The following HOXA11 variants were observed in gnomAD, a reference collection of about 807,000 sequenced individuals.
HOXA11 encodes homeobox protein Hox-A11.
A neutral mutation model predicts 22.5 loss-of-function variants in HOXA11; 8 were observed. The observed-to-expected ratio is 0.36, with a 90% CI of 0.21 to 0.64. The LOEUF is 0.64. HOXA11 is among the 30% of genes least tolerant of loss of function. The pLI, the probability that HOXA11 is intolerant of heterozygous loss-of-function variation, is 0.67. For synonymous variants in HOXA11, 211 were observed against 188.4 expected, an observed-to-expected ratio of 1.12 and a Z score of -0.98; for missense variants, 388 against 429.0, an observed-to-expected ratio of 0.90 and a Z score of 0.84.
intron 1 of HOXA11, among the ~76,000 whole-genome samples, chr7:27,183,747 TAAA>T (rs61633228): frequency 0.011 from 599 of 53,600 alleles, 11 homozygotes; most frequent in African/African-American, 0.04. Context: ...GCTCCCCCTT[TAAA>T]AAAAAAAAAA....
chr7:27,181,190 C>T lies in HOXA11; in HGVS notation c.*1606G>A, dbSNP rs1783758959. On this transcript the variant is annotated 3_prime_UTR_variant, in exon 2 of 2. Transcript: ENST00000006015. ...CCACCGTCTTTATTTTCCTTGTGCCCAGTTGCCTGTATAAGTGCTGCAACA... is the reference window on the plus strand; with the variant it reads ...CCACCGTCTTTATTTTCCTTGTGCCTAGTTGCCTGTATAAGTGCTGCAACA... 6.6e-6 allele frequency among the ~76,000 whole-genome samples: 1 copy of T among 152,092 alleles called. No homozygotes were observed. Among genetic ancestry groups the T allele is most frequent in the African/African-American group, 2.4e-5 (1 of 41,396 alleles).
At position 27,181,172 on chromosome 7, in the gene HOXA11, C is replaced by G. The variant is rs1783758428; in HGVS notation, c.*1624G>C. ...ACCAGGATACTCAAATTTCCACCGT[C>G]TTTATTTTCCTTGTGCCCAGTTGCC... On this transcript the variant is annotated 3_prime_UTR_variant, in exon 2 of 2. Transcript: ENST00000006015. 6.6e-6 allele frequency among the ~76,000 whole-genome samples: 1 copy of G among 152,070 alleles called. No individual in the cohort carries two copies. The highest frequency in any genetic ancestry group is 2.4e-5 in the African/African-American group (1 of 41,376).
In HOXA11 at chr7:27,184,844, C is replaced by A; in HGVS notation, c.301G>T (p.Gly101Cys). Reference protein sequence around the residue: ...RDCLQAPSAAGVPGDVLAKSS... With the variant: ...RDCLQAPSAACVPGDVLAKSS... Reference sequence around the variant, plus strand: ...TTGGCCAGCACGTCGCCAGGCACGCCGGCCGCGCTGGGCGCCTGCAGGCAG... The same window carrying A: ...TTGGCCAGCACGTCGCCAGGCACGCAGGCCGCGCTGGGCGCCTGCAGGCAG... The change falls in exon 1 of 2, where the codon GGC (glycine) becomes TGC (cysteine). Residue 101 changes from glycine to cysteine, a missense_variant. Physicochemically the swap from Gly to Cys is radical, Grantham distance 159 (BLOSUM62 -3). Coordinates refer to ENST00000006015, the MANE Select transcript of HOXA11 (RefSeq NM_005523.6). 1 of 1,613,382 alleles carries A rather than the reference C, an allele frequency of 6.2e-7. No homozygotes were observed. The highest frequency in any genetic ancestry group is 8.5e-7 in the Non-Finnish European group (1 of 1,179,534).
chr7:27,181,573 A>G lies in HOXA11; in HGVS notation c.*1223T>C. ...AACACCATCCCTGTATGAAGCATAC[A>G]TTCAAATATTCTTAGCAGTGAGCGA... is the stretch of plus-strand genomic sequence containing the variant. On this transcript the variant is annotated 3_prime_UTR_variant, in exon 2 of 2. Coordinates refer to ENST00000006015, the MANE Select transcript of HOXA11 (RefSeq NM_005523.6). 1 of 192,026 alleles carries G rather than the reference A, an allele frequency of 5.2e-6. No individual in the cohort carries two copies. The highest frequency in any genetic ancestry group is 8.2e-5 in the East Asian group (1 of 12,204). The allele number at this position is 192,026 out of a possible 1,614,324, so 11.9% of individuals were successfully genotyped here. A position where few individuals can be genotyped will look rare whatever the true frequency, so the allele number is the denominator to read the frequency against.
chr7:27,183,855 C>G (rs945765437), intron 1 of HOXA11, among the ~76,000 whole-genome samples: 1 of 150,696 alleles, frequency 6.6e-6, no homozygotes, highest in Admixed American at 6.6e-5. Flanking sequence ...GAAGGAGGCA[C>G]GTAATTGCCA....
Position 27,182,752 on chromosome 7 carries a change from C to T in HOXA11, c.*44G>A, listed in dbSNP as rs760737881. ...GTCAAGGGCAAAATCTGCATATTAT[C>T]TCATGTGTATGAAGCCCCCCACCCA... is the stretch of plus-strand genomic sequence containing the variant. On this transcript the variant is annotated 3_prime_UTR_variant, in exon 2 of 2. Transcript: ENST00000006015. The T allele has an allele frequency of 1.3e-5, 16 of 1,212,746 alleles. No individual in the cohort carries two copies. Among genetic ancestry groups the T allele is most frequent in the Non-Finnish European group, 2.0e-5 (16 of 814,464 alleles). 75.1% of individuals were successfully genotyped at this position (1,212,746 alleles called of 1,614,324 possible). A position where few individuals can be genotyped will look rare whatever the true frequency, so the allele number is the denominator to read the frequency against.
At chr7:27,183,358 G>A (rs2115461514) in intron 1 of HOXA11, among the ~76,000 whole-genome samples, 1 of 152,350 alleles carries the variant, frequency 6.6e-6, no homozygotes, top group East Asian at 1.9e-4. Context: ...GGGGGTTGCC[G>A]GCTGCCTCTC....
rs1411636721 is a variant in HOXA11, at chr7:27,182,557, C to A, written c.*239G>T. The stretch of plus-strand genomic sequence containing the variant: ...CTCCAAGAGTGAACCACCAGGGGTC[C>A]CAAACCTGTCATTCTAGCTGATGCA... On this transcript the variant is annotated 3_prime_UTR_variant, in exon 2 of 2. Transcript: ENST00000006015. 1.4e-5 allele frequency: 8 copies of A among 569,564 alleles called. No homozygotes were observed. The highest frequency in any genetic ancestry group is 2.5e-5 in the Non-Finnish European group (8 of 315,410). 35.3% of individuals were successfully genotyped at this position (569,564 alleles called of 1,614,324 possible). A position where few individuals can be genotyped will look rare whatever the true frequency, so the allele number is the denominator to read the frequency against.
At chr7:27,183,869 C>G (rs553770022) in intron 1 of HOXA11, among the ~76,000 whole-genome samples, 4 of 151,796 alleles carry the variant, frequency 2.6e-5, no homozygotes, top group Admixed American at 1.3e-4. Flanking sequence ...ATTGCCACCA[C>G]GCCAGAGGAA....
chr7:27,183,971 C>G (rs1335540846), intron 1 of HOXA11, among the ~76,000 whole-genome samples: 2 of 152,140 alleles, frequency 1.3e-5, no homozygotes, highest in East Asian at 3.9e-4. Flanking sequence ...ATCTGTTAAA[C>G]GCGCTCCTAG....
Position 27,181,269 on chromosome 7 carries a change from T to C in HOXA11, c.*1527A>G, listed in dbSNP as rs956866638. ...GACAGGCCAACACTCCCAGTACAAATGGAGCCAACAGACATTTCTTAACAC... is the reference window on the plus strand; with the variant it reads ...GACAGGCCAACACTCCCAGTACAAACGGAGCCAACAGACATTTCTTAACAC... On this transcript the variant is annotated 3_prime_UTR_variant, in exon 2 of 2. Coordinates refer to ENST00000006015, the MANE Select transcript of HOXA11 (RefSeq NM_005523.6). 6.6e-6 allele frequency among the ~76,000 whole-genome samples: 1 copy of C among 152,192 alleles called. No individual in the cohort carries two copies. Among genetic ancestry groups the C allele is most frequent in the Admixed American group, 6.5e-5 (1 of 15,290 alleles).
chr7:27,181,170 G>C lies in HOXA11; in HGVS notation c.*1626C>G, dbSNP rs941684279. ...ACACCAGGATACTCAAATTTCCACC[G>C]TCTTTATTTTCCTTGTGCCCAGTTG... On this transcript the variant is annotated 3_prime_UTR_variant, in exon 2 of 2. Transcript: ENST00000006015. Among the ~76,000 whole-genome samples the C allele has an allele frequency of 7.7e-6, 1 of 130,414 alleles. No homozygotes were observed. Among genetic ancestry groups the C allele is most frequent in the Non-Finnish European group, 1.7e-5 (1 of 57,528 alleles). 85.6% of individuals were successfully genotyped at this position (130,414 alleles called of 152,430 possible). A position where few individuals can be genotyped will look rare whatever the true frequency, so the allele number is the denominator to read the frequency against.
rs766668972 is a variant in HOXA11, at chr7:27,184,752, G to T, written c.393C>A (p.Gly131=). 6.2e-7 allele frequency: 1 copy of T among 1,613,830 alleles called. No individual in the cohort carries two copies. Among genetic ancestry groups the T allele is most frequent in the Non-Finnish European group, 8.5e-7 (1 of 1,179,940 alleles). The change falls in exon 1 of 2, where the codon GGC becomes GGA. Residue 131 remains glycine, a synonymous_variant. Transcript: ENST00000006015. Reference sequence around the variant, plus strand: ...AAGCCTGTGGCAGGACGCCGTTCCTGCCCACGGTGCTATAGAAATTGGACG... The same window carrying T: ...AAGCCTGTGGCAGGACGCCGTTCCTTCCCACGGTGCTATAGAAATTGGACG... The part of the protein sequence containing the change: ...AVSSNFYSTV[G]RNGVLPQAFD...
At chr7:27,184,317 TA>T in intron 1 of HOXA11, 118 bp downstream of exon 1, 1 of 990,500 alleles carries the variant, frequency 1.0e-6, no homozygotes, top group Non-Finnish European at 1.5e-6. Flanking sequence ...GGGGGAAACC[TA>T]AAGGCCCTTC....
rs986859626 is a variant in HOXA11, at chr7:27,183,636, C to T, written c.710-608G>A. On this transcript the variant is annotated intron_variant, in intron 1 of 1. Transcript: ENST00000006015. ...CCCTACCCTAGGCCTTCGCTGAGCA[C>T]CACGGCCACACGGCCATCCTGCACA... 1.3e-4 allele frequency among the ~76,000 whole-genome samples: 20 copies of T among 152,118 alleles called. 1 individual carries two copies. The South Asian group carries it at 3.7e-3, about 28-fold the overall frequency.
Position 27,182,643 on chromosome 7 carries a change from T to A in HOXA11, c.*153A>T. 2 of 705,762 alleles carry A rather than the reference T, an allele frequency of 2.8e-6. No homozygotes were observed. Among genetic ancestry groups the A allele is most frequent in the Non-Finnish European group, 5.2e-6 (2 of 383,550 alleles). 43.7% of individuals were successfully genotyped at this position (705,762 alleles called of 1,614,324 possible). A position where few individuals can be genotyped will look rare whatever the true frequency, so the allele number is the denominator to read the frequency against. On this transcript the variant is annotated 3_prime_UTR_variant, in exon 2 of 2. Transcript: ENST00000006015. ...ACCACTGAGATCTTAATCAAGAGAG[T>A]CCCAGACCACCTCCTGTGGGGCTAT...
At position 27,185,006 on chromosome 7, in the gene HOXA11, A is replaced by G. The variant is rs1783842025; in HGVS notation, c.139T>C (p.Tyr47His). The stretch of plus-strand genomic sequence containing the variant: ...TGGACCTGGGGCAGGTTGGAGGAGT[A>G]GGAGTATGTCATTGGGCGCGAAGAC... ...TPSSRPMTYS[Y>H]SSNLPQVQPV... Residue 47 changes from tyrosine (Y) to histidine (H), a missense_variant, in exon 1 of 2, where the codon TAC (tyrosine) becomes CAC (histidine). Tyr to His is a moderately conservative substitution (Grantham distance 83). Transcript: ENST00000006015. 1 of 1,614,112 alleles carries G rather than the reference A, an allele frequency of 6.2e-7. No homozygotes were observed. Among genetic ancestry groups the G allele is most frequent in the Non-Finnish European group, 8.5e-7 (1 of 1,179,992 alleles).
rs1200567091 is a variant in HOXA11, at chr7:27,185,167, C to T, written c.-23G>A. On this transcript the variant is annotated 5_prime_UTR_variant, in exon 1 of 2. Coordinates refer to ENST00000006015, the MANE Select transcript of HOXA11 (RefSeq NM_005523.6). The stretch of plus-strand genomic sequence containing the variant: ...CATTATTGGGCTACCTTGGGCTCTC[C>T]GCAGTAGCCGAGCTTAACATGATTC... 1.2e-6 allele frequency: 2 copies of T among 1,613,384 alleles called. No homozygotes were observed. The highest frequency in any genetic ancestry group is 1.1e-5 in the South Asian group (1 of 91,074).
chr7:27,182,973 C>A lies in HOXA11; in HGVS notation c.765G>T (p.Glu255Asp). 6.2e-7 allele frequency: 1 copy of A among 1,614,194 alleles called. No homozygotes were observed. The highest frequency in any genetic ancestry group is 8.5e-7 in the Non-Finnish European group (1 of 1,180,036). Residue 255 changes from glutamate to aspartate, a missense_variant, in exon 2 of 2, where the codon GAG becomes GAT. Around this residue, in one of 4 missense-constraint regions of HOXA11, gnomAD observed 55 missense variants for 90.8 expected, o/e 0.61. Transcript: ENST00000006015. ...CGCTGAAGAAGAACTCCCGTTCCAG[C>A]TCTCGGATCTGGTACTTGGTATAGG... ...RCPYTKYQIR[E>D]LEREFFFSVY...
Sources: gnomAD v4.1 joint callset for allele counts (sites outside exome capture counted in the v4.1 genomes callset) on GRCh38, gnomAD v4.1.1 for gene constraint, gnomAD v4.1.1 regional missense constraint, MANE v1.5 for transcripts, NCBI Gene and HGNC (gene_info 2026-07-23, HGNC 2026-07-21) for gene names.